ASTN2: variants seen among roughly 807,000 people sequenced by gnomAD.
The protein encoded by ASTN2 is astrotactin 2.
Under a neutral mutation model 139.8 loss-of-function variants are expected in ASTN2, and 54 were observed. The observed-to-expected ratio is 0.39, with a 90% confidence interval of 0.31 to 0.48. The LOEUF is 0.48. Among genes scored for constraint, ASTN2 ranks in the 20% least tolerant of loss-of-function variants. The probability of loss-of-function intolerance (pLI) is 0.95; values close to 1 mark genes in which losing one functional copy is unlikely to be tolerated. For synonymous variants in ASTN2, 756 were observed against 719.5 expected (o/e 1.05, Z -0.81); for missense variants, 1,565 against 1,725.1 (o/e 0.91, Z 1.64).
At chr9:116,589,522 G>A (rs923671566) in intron 19 of ASTN2, among the ~76,000 whole-genome samples, 1 of 152,088 alleles carries the variant, frequency 6.6e-6, no homozygotes, top group African/African-American at 2.4e-5. Flanking sequence ...GTTTTTTTCT[G>A]TGCCTGTAAT....
intron 13 of ASTN2, among the ~76,000 whole-genome samples, chr9:116,789,061 TC>T (rs1830457562): frequency 6.6e-6 from 1 of 152,298 alleles, no homozygotes; most frequent in South Asian, 2.1e-4. Context: ...GCTTGTTTAT[TC>T]CCAGTGGCTG....
intron 4 of ASTN2, among the ~76,000 whole-genome samples, chr9:117,140,785 C>T (rs146607650): frequency 6.6e-6 from 1 of 152,286 alleles, no homozygotes; most frequent in East Asian, 1.9e-4. Flanking sequence ...ATTCTTACAA[C>T]CCTGTGAGAC....
chr9:117,407,523 C>T lies in ASTN2; in HGVS notation c.442+6974G>A, dbSNP rs540600664. On this transcript the variant is annotated intron_variant, in intron 1 of 22. Coordinates refer to ENST00000313400, the MANE Select transcript of ASTN2 (RefSeq NM_001365068.1). Reference sequence around the variant, plus strand: ...TCCCTTCATAGTTTGTAACCTACAACATGCTTGTCAAATTTCAACTCACAG... The same window carrying T: ...TCCCTTCATAGTTTGTAACCTACAATATGCTTGTCAAATTTCAACTCACAG... 5.9e-5 allele frequency among the ~76,000 whole-genome samples: 9 copies of T among 152,302 alleles called. No individual in the cohort carries two copies. In the South Asian group the frequency reaches 1.9e-3, roughly 32 times the overall value.
chr9:116,457,440 G>T (rs567935207), intron 20 of ASTN2, among the ~76,000 whole-genome samples: 1 of 152,130 alleles, frequency 6.6e-6, no homozygotes, highest in East Asian at 1.9e-4. Flanking sequence ...ATATTTGCAA[G>T]CTATCCATCT....
chr9:116,751,225 C>T (rs1829390781), intron 13 of ASTN2, among the ~76,000 whole-genome samples: 1 of 152,172 alleles, frequency 6.6e-6, no homozygotes, highest in Admixed American at 6.5e-5. Flanking sequence ...AGAGACTATG[C>T]ATATAGATAG....
intron 1 of ASTN2, among the ~76,000 whole-genome samples, chr9:117,395,873 A>C (rs1037137495): frequency 7.2e-5 from 11 of 152,254 alleles, no homozygotes; most frequent in African/African-American, 2.4e-4. Flanking sequence ...TTTTCTAAAA[A>C]TATTGAAAGC....
intron 1 of ASTN2, among the ~76,000 whole-genome samples, chr9:117,322,822 G>T (rs1828376907): frequency 6.6e-6 from 1 of 152,108 alleles, no homozygotes; most frequent in Non-Finnish European, 1.5e-5. Flanking sequence ...GGCAATGGAA[G>T]ATTTCTTTCC....
At chr9:116,775,571 AGGG>A (rs1830061640) in intron 13 of ASTN2, among the ~76,000 whole-genome samples, 1 of 87,634 alleles carries the variant, frequency 1.1e-5, no homozygotes, top group Non-Finnish European at 2.2e-5. Context: ...AAGGGAGGGA[AGGG>A]AGGAGGAAGT....
chr9:116,624,075 T>C (rs987936687), intron 17 of ASTN2, among the ~76,000 whole-genome samples: 11 of 152,180 alleles, frequency 7.2e-5, no homozygotes, highest in Non-Finnish European at 1.5e-4. Flanking sequence ...TAACGAAGGT[T>C]TGCATTTCCA....
At chr9:116,923,761 G>A (rs569084598) in intron 10 of ASTN2, among the ~76,000 whole-genome samples, 1 of 152,318 alleles carries the variant, frequency 6.6e-6, no homozygotes, top group African/African-American at 2.4e-5. Flanking sequence ...AGAAAGCTCA[G>A]CAGAGGAGAT....
intron 12 of ASTN2, among the ~76,000 whole-genome samples, chr9:116,820,033 A>C (rs1547662): frequency 0.76 from 115,977 of 152,102 alleles, 44,443 homozygotes; most frequent in Middle Eastern, 0.87. Context: ...TACTTATTTC[A>C]AAAGTCAGTT....
intron 3 of ASTN2, among the ~76,000 whole-genome samples, chr9:117,189,868 C>T (rs1204792013): frequency 6.6e-6 from 1 of 152,076 alleles, no homozygotes; most frequent in African/African-American, 2.4e-5. Flanking sequence ...TCTGTGCATC[C>T]CTACCCTTAT....
chr9:116,469,334 T>C (rs1564298040), intron 20 of ASTN2, among the ~76,000 whole-genome samples: 1 of 152,100 alleles, frequency 6.6e-6, no homozygotes, highest in Admixed American at 6.5e-5. Flanking sequence ...CCATGATCTA[T>C]ATGACGTCAT....
intron 19 of ASTN2, among the ~76,000 whole-genome samples, chr9:116,615,474 C>A (rs542844408): frequency 6.6e-6 from 1 of 152,112 alleles, no homozygotes; most frequent in African/African-American, 2.4e-5. Context: ...TGGAACCAAC[C>A]CAAATGTCCA....
chr9:116,774,352 T>C (rs1450390827), intron 13 of ASTN2, among the ~76,000 whole-genome samples: 1 of 152,144 alleles, frequency 6.6e-6, no homozygotes, highest in Admixed American at 6.5e-5. Flanking sequence ...CCAAGAAATA[T>C]TCATCAGGGT....
intron 19 of ASTN2, among the ~76,000 whole-genome samples, chr9:116,557,223 C>CAAAAAAAAAAAAAAAAA (rs60756690): frequency 2.4e-4 from 13 of 53,592 alleles, no homozygotes; most frequent in African/African-American, 9.0e-4. Context: ...GACTCTGTCT[C>CAAAAAAAAAAAAAAAAA]AAAAAAAAAA....
intron 5 of ASTN2, among the ~76,000 whole-genome samples, chr9:117,055,647 A>C (rs919972672): frequency 7.2e-5 from 11 of 152,192 alleles, no homozygotes; most frequent in African/African-American, 2.7e-4. Flanking sequence ...TCCTGGCTAG[A>C]ATTAGAGAAC....
At chr9:117,322,006 AG>A (rs1163073101) in intron 1 of ASTN2, among the ~76,000 whole-genome samples, 9 of 152,334 alleles carry the variant, frequency 5.9e-5, no homozygotes, top group Non-Finnish European at 1.3e-4. Flanking sequence ...TCTTTAAAAA[AG>A]CCATGGTGTC....
At chr9:116,752,882 A>G (rs955529816) in intron 13 of ASTN2, among the ~76,000 whole-genome samples, 1 of 152,242 alleles carries the variant, frequency 6.6e-6, no homozygotes, top group Non-Finnish European at 1.5e-5. Context: ...GCTGGCAAAG[A>G]TGTGGAGAAA....
Sources: gnomAD v4.1 joint callset for allele counts (sites outside exome capture counted in the v4.1 genomes callset) on GRCh38, gnomAD v4.1.1 for gene constraint, MANE v1.5 for transcripts, NCBI Gene and HGNC (gene_info 2026-07-23, HGNC 2026-07-21) for gene names.